The following NAT10 variants were observed in gnomAD, a reference collection of about 807,000 sequenced individuals.
NAT10 encodes the protein N-acetyltransferase 10.
Under a neutral mutation model 132.2 loss-of-function variants are expected in NAT10, and 109 were observed. That is an observed-to-expected ratio of 0.82 (90% CI 0.71 to 0.97). The LOEUF (loss-of-function observed/expected upper bound fraction) is 0.97, where lower values mean the gene tolerates loss of function less well. Ranked by LOEUF, NAT10 falls within the 50% of genes least tolerant of loss-of-function variation. NAT10 has a pLI of 0.00. For missense variants in NAT10, 1,184 were observed against 1,263.4 expected, an observed-to-expected ratio of 0.94 and a Z score of 0.95; for synonymous variants, 479 against 478.0, an observed-to-expected ratio of 1.00 and a Z score of -0.03.
chr11:34,139,015 T>G, intron 21 of NAT10, 176 bp from the exon 22 acceptor site: 1 of 589,478 alleles, frequency 1.7e-6, no homozygotes, highest in Non-Finnish European at 3.0e-6. Flanking sequence ...ACTGAGGTGA[T>G]ATGAGGAAGG....
rs776005823 is a variant in NAT10 at position 34,136,673 on chromosome 11, C to T, written c.2060C>T (p.Pro687Leu). 1.2e-6 allele frequency: 2 copies of T among 1,614,140 alleles called. No homozygotes were observed. Among genetic ancestry groups the T allele is most frequent in the Non-Finnish European group, 1.7e-6 (2 of 1,180,018 alleles). The change falls in exon 20 of 29, where the codon CCC becomes CTC. Residue 687 changes from proline to leucine, a missense_variant. Pro to Leu is a moderately conservative substitution (Grantham distance 98, BLOSUM62 -3). Transcript: ENST00000257829. ...AGCTTGTTGGAAGAGGTCATCACTC[C>T]CCGGAAGGACCTGCCTCCTTTACTC... Reference protein sequence around the residue: ...AVSLLEEVITPRKDLPPLLLK... With the variant: ...AVSLLEEVITLRKDLPPLLLK...
At chr11:34,129,226 C>T (rs890012823) in intron 12 of NAT10, among the ~76,000 whole-genome samples, 1 of 152,206 alleles carries the variant, frequency 6.6e-6, no homozygotes, top group African/African-American at 2.4e-5. Context: ...TCTTCCAAAG[C>T]AATTGCACAT....
Position 34,142,069 on chromosome 11 carries a change from T to C in NAT10, c.2812-206T>C, listed in dbSNP as rs567899226. ...ATTCCAGCATCTGTTGGAAATGTTTTGTCTTTTTTGGTGACTTCTTAAATG... is the reference window on the plus strand; with the variant it reads ...ATTCCAGCATCTGTTGGAAATGTTTCGTCTTTTTTGGTGACTTCTTAAATG... On this transcript the variant is annotated intron_variant, in intron 26 of 28. Transcript: ENST00000257829. 352 of 629,190 alleles carry C rather than the reference T, an allele frequency of 5.6e-4. 2 individuals carry two copies. Among genetic ancestry groups the C allele is most frequent in the Non-Finnish European group, 7.5e-4 (269 of 359,060 alleles). The allele number at this position is 629,190 out of a possible 1,614,324, so 39.0% of individuals were successfully genotyped here. A position where few individuals can be genotyped will look rare whatever the true frequency, so the allele number is the denominator to read the frequency against.
intron 21 of NAT10, chr11:34,138,854 T>C (rs1310315190): frequency 2.8e-5 from 7 of 250,830 alleles, no homozygotes; most frequent in Non-Finnish European, 4.7e-5. Context: ...CCCTAATGAC[T>C]GAGTTCAGCA....
At chr11:34,124,256 C>G (rs1291779700) in intron 10 of NAT10, 46 bp from the exon 11 acceptor site, 2 of 1,303,664 alleles carry the variant, frequency 1.5e-6, no homozygotes, top group African/African-American at 2.9e-5. Context: ...TATTTAGTTT[C>G]TGAAACTTGT....
In NAT10 at chr11:34,140,545, G is replaced by A. The variant is rs371650525; in HGVS notation, c.2565G>A (p.Gly855=). Residue 855 remains glycine (G), a synonymous_variant, in exon 24 of 29, where the codon GGG becomes GGA. Coordinates refer to ENST00000257829, the MANE Select transcript of NAT10 (RefSeq NM_024662.3). Reference sequence around the variant, plus strand: ...GCATCTATTTCCTGAACCAGCTGGGGGACCTGGCCCTGTCTGCGGCTCAGT... The same window carrying A: ...GCATCTATTTCCTGAACCAGCTGGGAGACCTGGCCCTGTCTGCGGCTCAGT... ...ISRIYFLNQL[G]DLALSAAQSA... is the part of the protein sequence containing the mutation. 29 of 1,614,116 alleles carry A rather than the reference G, an allele frequency of 1.8e-5. No individual in the cohort carries two copies. Among genetic ancestry groups the A allele is most frequent in the Non-Finnish European group, 2.3e-5 (27 of 1,180,002 alleles).
chr11:34,142,404 GC>G, intron 27 of NAT10, 56 bp downstream of exon 27: 1 of 1,483,064 alleles, frequency 6.7e-7, no homozygotes, highest in Non-Finnish European at 9.4e-7. Context: ...CTAAGAATCT[GC>G]CTACACGTTT....
intron 8 of NAT10, among the ~76,000 whole-genome samples, chr11:34,121,487 C>T (rs1851891305): frequency 6.6e-6 from 1 of 152,042 alleles, no homozygotes; most frequent in Non-Finnish European, 1.5e-5. Flanking sequence ...TTTGGGGCAA[C>T]TTTAGGCGTT....
At chr11:34,119,388 C>T (rs1196015874) in intron 8 of NAT10, among the ~76,000 whole-genome samples, 1 of 152,254 alleles carries the variant, frequency 6.6e-6, no homozygotes, top group Non-Finnish European at 1.5e-5. Flanking sequence ...TCCCAGCAGG[C>T]TGGCTTCCCT....
chr11:34,107,929 T>G (rs1239353918), intron 1 of NAT10, among the ~76,000 whole-genome samples: 1 of 152,250 alleles, frequency 6.6e-6, no homozygotes, highest in Non-Finnish European at 1.5e-5. Flanking sequence ...TTAGTCATTC[T>G]TCTACTTTTT....
At chr11:34,112,786 T>C (rs1229530799) in intron 4 of NAT10, among the ~76,000 whole-genome samples, 1 of 151,270 alleles carries the variant, frequency 6.6e-6, no homozygotes, top group African/African-American at 2.4e-5. Context: ...AGTTTCACTT[T>C]GTGTGTGTGT....
At position 34,108,665 on chromosome 11, in the gene NAT10, G is replaced by A. The variant is rs143350221; in HGVS notation, c.109-77G>A. ...GGCCCTCAGTTTAGTTTCCACATCC[G>A]TCAAATGAGGTCTTAAGCCTGGCGG... On this transcript the variant is annotated intron_variant, in intron 2 of 28. Coordinates refer to ENST00000257829, the MANE Select transcript of NAT10 (RefSeq NM_024662.3). 8 of 1,342,936 alleles carry A rather than the reference G, an allele frequency of 6.0e-6. No individual in the cohort carries two copies. The East Asian group carries it at 6.9e-5, about 12-fold the overall frequency. The allele number at this position is 1,342,936 out of a possible 1,614,324, so 83.2% of individuals were successfully genotyped here.
At chr11:34,124,484 A>T in intron 11 of NAT10, 84 bp downstream of exon 11, 2 of 970,054 alleles carry the variant, frequency 2.1e-6, no homozygotes, top group Non-Finnish European at 3.2e-6. Context: ...TGTTATAGAC[A>T]TGTATGTCTT....
intron 12 of NAT10, among the ~76,000 whole-genome samples, chr11:34,129,756 G>A (rs1213281843): frequency 6.6e-6 from 1 of 151,612 alleles, no homozygotes; most frequent in Non-Finnish European, 1.5e-5. Flanking sequence ...TTACAGGTGT[G>A]TACCACCATG....
rs148295060 is a variant in NAT10 at position 34,124,346 on chromosome 11, T to G, written c.1053T>G (p.Phe351Leu). The G allele has an allele frequency of 6.2e-7, 1 of 1,614,026 alleles. No individual in the cohort carries two copies. Among genetic ancestry groups the G allele is most frequent in the Non-Finnish European group, 8.5e-7 (1 of 1,179,944 alleles). ...YEIIQSLNPEFNKAVIRVNVF... is the reference protein window; with the variant it reads ...YEIIQSLNPELNKAVIRVNVF... ...TTATCCAGTCTCTAAATCCTGAATT[T>G]AACAAAGCAGTGATCAGAGTGAATG... Residue 351 changes from phenylalanine (F) to leucine (L), a missense_variant, in exon 11 of 29, where the codon TTT (phenylalanine) becomes TTG (leucine). Coordinates refer to ENST00000257829, the MANE Select transcript of NAT10 (RefSeq NM_024662.3).
chr11:34,132,905 T>G (rs1268083096), intron 15 of NAT10, 121 bp from the exon 16 acceptor site: 1 of 764,100 alleles, frequency 1.3e-6, no homozygotes, highest in Non-Finnish European at 2.3e-6. Context: ...GCTGGACTTC[T>G]GCTCCTCACT....
Position 34,108,321 on chromosome 11 carries a change from A to G in NAT10, c.96A>G (p.Arg32=). The change falls in exon 2 of 29, where the codon CGA becomes CGG. Residue 32 remains arginine (R), a synonymous_variant. Transcript: ENST00000257829. ...CTCTCTTTGTTGTAGTTGGGGATCG[A>G]GGAAAAGATCAGGTATGGCCTGGTA... The part of the protein sequence containing the change: ...QRSLFVVVGD[R]GKDQVVILHH... 6.2e-7 allele frequency: 1 copy of G among 1,613,696 alleles called. No individual in the cohort carries two copies. Among genetic ancestry groups the G allele is most frequent in the Non-Finnish European group, 8.5e-7 (1 of 1,179,568 alleles).
At chr11:34,142,187 T>C in intron 26 of NAT10, 88 bp from the exon 27 acceptor site, 9 of 1,213,012 alleles carry the variant, frequency 7.4e-6, no homozygotes, top group Non-Finnish European at 8.5e-6. Flanking sequence ...TTCTCATCAT[T>C]GTGCCATTCC....
chr11:34,124,586 C>G (rs1304866610), intron 11 of NAT10, among the ~76,000 whole-genome samples, 186 bp downstream of exon 11: 1 of 152,182 alleles, frequency 6.6e-6, no homozygotes, highest in Non-Finnish European at 1.5e-5. Context: ...ATTCAGCAAA[C>G]TAACAAATAT....
Sources: allele counts gnomAD v4.1 joint callset (sites outside exome capture counted in the v4.1 genomes callset), GRCh38; gene constraint gnomAD v4.1.1; transcripts MANE v1.5; gene names NCBI Gene and HGNC (gene_info 2026-07-23, HGNC 2026-07-21).